Variants in DOCK1 observed in about 807,000 individuals in gnomAD.
The protein encoded by DOCK1 is dedicator of cytokinesis protein 1.
A neutral mutation model predicts 262.7 loss-of-function variants in DOCK1; 138 were observed. That is an observed-to-expected ratio of 0.53 (90% CI 0.46 to 0.61). The LOEUF is 0.61. Among genes scored for constraint, DOCK1 ranks in the 20% least tolerant of loss-of-function variants. DOCK1 has a pLI of 0.00. For synonymous variants in DOCK1, 866 were observed against 867.4 expected (o/e 1.00, Z 0.03); for missense variants, 1,908 against 2,370.7 (o/e 0.80, Z 4.05).
In DOCK1 at chr10:127,206,600, A is replaced by G. The variant is rs187747099; in HGVS notation, c.2848-41408A>G. ...TGTGAGAGCAGAACTTAGGTGCTCT[A>G]TGTTCTCCAAAGTCCCCCTCCACCT... On this transcript the variant is annotated intron_variant, in intron 27 of 51. Transcript: ENST00000623213. 9.3e-4 allele frequency among the ~76,000 whole-genome samples: 142 copies of G among 152,266 alleles called. 3 individuals are homozygous for G. The East Asian group carries it at 0.022, about 24-fold the overall frequency.
chr10:127,063,469 T>C (rs922523378), intron 23 of DOCK1, among the ~76,000 whole-genome samples: 1 of 151,968 alleles, frequency 6.6e-6, no homozygotes, highest in Non-Finnish European at 1.5e-5. Flanking sequence ...CTACGATTTC[T>C]TGATTTTTTT....
chr10:127,223,011 G>T (rs1321475615), intron 27 of DOCK1, among the ~76,000 whole-genome samples: 1 of 152,132 alleles, frequency 6.6e-6, no homozygotes, highest in Non-Finnish European at 1.5e-5. Flanking sequence ...TGACTTTATA[G>T]TTTGGATCTG....
chr10:127,009,198 AT>A, intron 11 of DOCK1, among the ~76,000 whole-genome samples: 1 of 152,346 alleles, frequency 6.6e-6, no homozygotes, highest in Non-Finnish European at 1.5e-5. Flanking sequence ...ACAAACAATT[AT>A]GATGAATTAT....
At chr10:127,094,890 T>G (rs1348265484) in intron 23 of DOCK1, among the ~76,000 whole-genome samples, 1 of 152,186 alleles carries the variant, frequency 6.6e-6, no homozygotes, top group Non-Finnish European at 1.5e-5. Context: ...GAAGTCACGC[T>G]TTGCCTCCTG....
At chr10:127,053,191 A>G (rs1195272977) in intron 22 of DOCK1, among the ~76,000 whole-genome samples, 2 of 151,966 alleles carry the variant, frequency 1.3e-5, no homozygotes, top group Admixed American at 1.3e-4. Context: ...CAACAACAAA[A>G]ATAGGCCGGG....
rs1402319225 is a variant in DOCK1 at position 127,428,468 on chromosome 10, GTGTGGATTGGGGTGTCA to G, written c.4914+2474_4914+2490del. 2.3e-3 allele frequency among the ~76,000 whole-genome samples: 345 copies of G among 149,828 alleles called. 2 individuals carry two copies. Among genetic ancestry groups the G allele is most frequent in the Middle Eastern group, 7.0e-3 (2 of 284 alleles). ...GGAGTGCCTTGTGGATTGGGGTGCC[GTGTGGATTGGGGTGTCA>G]TGTGGATTGGGGTGTCGTGTGGATT... On this transcript the variant is annotated intron_variant, in intron 47 of 51. Coordinates refer to ENST00000623213, the MANE Select transcript of DOCK1 (RefSeq NM_001290223.2).
intron 1 of DOCK1, among the ~76,000 whole-genome samples, chr10:126,931,299 T>G (rs894599945): frequency 6.6e-6 from 1 of 152,048 alleles, no homozygotes; most frequent in Non-Finnish European, 1.5e-5. Context: ...TTAAAATGAA[T>G]ACCATTCCAG....
Position 127,031,723 on chromosome 10 carries a change from A to G in DOCK1, c.1698A>G (p.Arg566=), listed in dbSNP as rs567478744. The G allele has an allele frequency of 1.2e-6, 2 of 1,613,454 alleles. No individual in the cohort carries two copies. Among genetic ancestry groups the G allele is most frequent in the Admixed American group, 3.3e-5 (2 of 59,846 alleles). ...TGAGATACGATGGTACCACCCTGCG[A>G]GACGGAGAGCACGATCTTATCGTCT... ...KLMRYDGTTL[R]DGEHDLIVYK... is the part of the protein sequence containing the mutation. Residue 566 remains arginine (R), a synonymous_variant, in exon 17 of 52, where the codon CGA becomes CGG. Transcript: ENST00000623213.
At chr10:127,348,656 G>GT (rs2063751197) in intron 31 of DOCK1, among the ~76,000 whole-genome samples, 1 of 152,020 alleles carries the variant, frequency 6.6e-6, no homozygotes, top group Admixed American at 6.6e-5. Flanking sequence ...GGTTGTTTTT[G>GT]TTTTTGTTTT....
chr10:127,321,061 C>A lies in DOCK1; in HGVS notation c.3045-17945C>A, dbSNP rs2062497098. On this transcript the variant is annotated intron_variant, in intron 29 of 51. Coordinates refer to ENST00000623213, the MANE Select transcript of DOCK1 (RefSeq NM_001290223.2). The stretch of plus-strand genomic sequence containing the variant: ...ATCAATGGTGTCCTCATCAATAAGC[C>A]CACATTACCGCCCTCCCCAGTCTCA... Among the ~76,000 whole-genome samples the A allele has an allele frequency of 2.6e-5, 4 of 152,160 alleles. No individual in the cohort carries two copies. In the South Asian group the frequency reaches 8.3e-4, roughly 32 times the overall value.
intron 1 of DOCK1, among the ~76,000 whole-genome samples, chr10:126,960,142 T>C (rs1333691672): frequency 6.6e-6 from 1 of 152,166 alleles, no homozygotes; most frequent in Non-Finnish European, 1.5e-5. Context: ...GGGTTTAACA[T>C]TCAGGTAATA....
At chr10:127,450,503 T>C (rs2070885071) in intron 51 of DOCK1, among the ~76,000 whole-genome samples, 2 of 151,996 alleles carry the variant, frequency 1.3e-5, no homozygotes, top group Non-Finnish European at 2.9e-5. Context: ...CACTGACTCG[T>C]TTATTCACTC....
intron 31 of DOCK1, among the ~76,000 whole-genome samples, chr10:127,348,209 T>C (rs1055494292): frequency 2.6e-5 from 4 of 151,924 alleles, no homozygotes; most frequent in African/African-American, 9.7e-5. Context: ...GGCTCAACCT[T>C]CAGACATCCT....
intron 27 of DOCK1, among the ~76,000 whole-genome samples, chr10:127,142,958 C>G (rs1431870560): frequency 1.3e-5 from 2 of 152,222 alleles, no homozygotes; most frequent in African/African-American, 2.4e-5. Flanking sequence ...AGGCTGCTCT[C>G]CAGCCTGCAC....
At chr10:127,392,416 C>T (rs1484108293) in intron 38 of DOCK1, among the ~76,000 whole-genome samples, 1 of 152,078 alleles carries the variant, frequency 6.6e-6, no homozygotes, top group East Asian at 1.9e-4. Flanking sequence ...GGAGCTGTGC[C>T]GTGGCCTGGG....
intron 27 of DOCK1, among the ~76,000 whole-genome samples, chr10:127,235,421 C>T (rs1444131351): frequency 1.3e-5 from 2 of 152,128 alleles, no homozygotes; most frequent in African/African-American, 4.8e-5. Flanking sequence ...TTTTGCTTAG[C>T]ATGATGTGTT....
chr10:127,020,332 CA>C (rs1368268667), intron 13 of DOCK1, among the ~76,000 whole-genome samples: 1 of 152,114 alleles, frequency 6.6e-6, no homozygotes, highest in East Asian at 1.9e-4. Flanking sequence ...TCCTCATGTT[CA>C]AAGGGAAACT....
At chr10:127,218,425 A>G (rs1204258512) in intron 27 of DOCK1, among the ~76,000 whole-genome samples, 3 of 152,156 alleles carry the variant, frequency 2.0e-5, no homozygotes. Flanking sequence ...CAATAAGTTA[A>G]TGACTTGCAT....
chr10:127,332,276 C>T (rs1378947803), intron 29 of DOCK1, among the ~76,000 whole-genome samples: 1 of 152,166 alleles, frequency 6.6e-6, no homozygotes, highest in Non-Finnish European at 1.5e-5. Flanking sequence ...AAGCCTGTGT[C>T]CAGCAGGGCT....
Sources: allele counts gnomAD v4.1 joint callset (sites outside exome capture counted in the v4.1 genomes callset), GRCh38; gene constraint gnomAD v4.1.1; transcripts MANE v1.5; gene names NCBI Gene and HGNC (gene_info 2026-07-23, HGNC 2026-07-21).